Variants in PRKCH observed in about 807,000 individuals in gnomAD.
The protein encoded by PRKCH is protein kinase C eta type.
Under a neutral mutation model 82.5 loss-of-function variants are expected in PRKCH, and 28 were observed. The observed-to-expected ratio is 0.34, with a 90% CI of 0.25 to 0.47. The LOEUF (loss-of-function observed/expected upper bound fraction) is 0.47. PRKCH is among the 20% of genes least tolerant of loss of function. The pLI is 1.00. For missense variants in PRKCH, 705 were observed against 881.8 expected, an observed-to-expected ratio of 0.80 and a Z score of 2.54; for synonymous variants, 322 against 327.4, an observed-to-expected ratio of 0.98 and a Z score of 0.18.
At chr14:61,547,919 T>A in intron 13 of PRKCH, 33 bp downstream of exon 13, 1 of 1,604,706 alleles carries the variant, frequency 6.2e-7, no homozygotes, top group East Asian at 2.2e-5. Flanking sequence ...GAGACATTCC[T>A]TTCTTCAGAT....
At chr14:61,542,292 CA>C (rs368475596) in intron 12 of PRKCH, among the ~76,000 whole-genome samples, 2,258 of 145,020 alleles carry the variant, frequency 0.016, 54 homozygotes, top group African/African-American at 0.053. Context: ...GACTCCATAT[CA>C]AAAAAAAACA....
intron 1 of PRKCH, among the ~76,000 whole-genome samples, chr14:61,339,324 C>A (rs1216426735): frequency 7.0e-6 from 1 of 143,596 alleles, no homozygotes; most frequent in Non-Finnish European, 1.5e-5. Context: ...TTAATTGTAA[C>A]TTTTTTTTTT....
intron 1 of PRKCH, among the ~76,000 whole-genome samples, chr14:61,295,636 C>T (rs903016204): frequency 1.3e-5 from 2 of 152,206 alleles, no homozygotes; most frequent in South Asian, 4.1e-4. Flanking sequence ...GTAAGTGATA[C>T]GTTGGTCTCC....
chr14:61,391,262 T>C lies in PRKCH; in HGVS notation c.401T>C (p.Ile134Thr). Reference sequence around the variant, plus strand: ...CCAGAGGGGAAAGTATTTGTGGTAATAACCCTTACCGGGAGTTTCACTGAA... The same window carrying C: ...CCAGAGGGGAAAGTATTTGTGGTAACAACCCTTACCGGGAGTTTCACTGAA... ...LEPEGKVFVV[I>T]TLTGSFTEAT... The change falls in exon 2 of 14, where the codon ATA (isoleucine) becomes ACA (threonine). Residue 134 changes from isoleucine to threonine, a missense_variant. Coordinates refer to ENST00000332981, the MANE Select transcript of PRKCH (RefSeq NM_006255.5). The C allele has an allele frequency of 6.2e-7, 1 of 1,611,324 alleles. No homozygotes were observed. The highest frequency in any genetic ancestry group is 8.5e-7 in the Non-Finnish European group (1 of 1,178,834).
intron 1 of PRKCH, chr14:61,361,271 G>A (rs1423675219): frequency 2.0e-5 from 3 of 152,288 alleles, no homozygotes; most frequent in African/African-American, 4.8e-5. Context: ...TTCTGCATGC[G>A]GTGTCCCCTT....
chr14:61,399,308 C>T (rs1357175625), intron 2 of PRKCH, among the ~76,000 whole-genome samples: 4 of 152,096 alleles, frequency 2.6e-5, no homozygotes, highest in African/African-American at 7.2e-5. Context: ...GCTTCTTAAA[C>T]AAAAACCAGA....
At chr14:61,393,647 T>C (rs2046722507) in intron 2 of PRKCH, among the ~76,000 whole-genome samples, 1 of 152,260 alleles carries the variant, frequency 6.6e-6, no homozygotes, top group Non-Finnish European at 1.5e-5. Flanking sequence ...TTTAGGAAGA[T>C]GTGAGGGCTT....
At chr14:61,365,019 G>A (rs1376614668) in intron 1 of PRKCH, among the ~76,000 whole-genome samples, 1 of 151,986 alleles carries the variant, frequency 6.6e-6, no homozygotes, top group African/African-American at 2.4e-5. Flanking sequence ...TTGAGGGAGT[G>A]GCCATGGGAA....
At chr14:61,532,402 G>A (rs2043053003) in intron 12 of PRKCH, among the ~76,000 whole-genome samples, 1 of 152,158 alleles carries the variant, frequency 6.6e-6, no homozygotes, top group Non-Finnish European at 1.5e-5. Context: ...GTGTTTCTCT[G>A]ATAGATACCC....
intron 9 of PRKCH, among the ~76,000 whole-genome samples, chr14:61,475,824 A>G (rs991818849): frequency 1.3e-5 from 2 of 152,234 alleles, no homozygotes; most frequent in Admixed American, 1.3e-4. Context: ...TCTAGTTAAC[A>G]TTACCTTGAA....
chr14:61,340,006 A>C (rs1193580651), intron 1 of PRKCH, among the ~76,000 whole-genome samples: 4 of 151,970 alleles, frequency 2.6e-5, no homozygotes, highest in African/African-American at 4.8e-5. Context: ...TTAAAAACAT[A>C]CCCAAATCTT....
intron 2 of PRKCH, among the ~76,000 whole-genome samples, chr14:61,429,769 A>C (rs1234637910): frequency 1.3e-5 from 2 of 152,034 alleles, no homozygotes; most frequent in African/African-American, 4.8e-5. Flanking sequence ...GAATTATCTT[A>C]TTAAAATTTT....
chr14:61,489,002 A>G (rs1886344707), intron 10 of PRKCH, among the ~76,000 whole-genome samples: 1 of 152,146 alleles, frequency 6.6e-6, no homozygotes, highest in Admixed American at 6.5e-5. Flanking sequence ...TATCCCTTGG[A>G]TTTATTTCAC....
chr14:61,475,558 T>A (rs947881883), intron 9 of PRKCH, among the ~76,000 whole-genome samples: 52 of 152,206 alleles, frequency 3.4e-4, no homozygotes, highest in African/African-American at 1.2e-3. Context: ...TATCATGGCA[T>A]AGAGACTATA....
At chr14:61,195,561 A>G (rs2044434680) in intron 1 of PRKCH, among the ~76,000 whole-genome samples, 1 of 152,252 alleles carries the variant, frequency 6.6e-6, no homozygotes, top group Admixed American at 6.5e-5. Flanking sequence ...GTTACATTAA[A>G]TGTGATAAGA....
chr14:61,550,079 C>T lies in PRKCH; in HGVS notation c.*248C>T, dbSNP rs1031190170. On this transcript the variant is annotated 3_prime_UTR_variant, in exon 14 of 14. Transcript: ENST00000332981. ...TGAAGTATACCGCTCCACCTATGAGCGTCTGTCTCTGTGGGCTTGGGATGT... is the reference window on the plus strand; with the variant it reads ...TGAAGTATACCGCTCCACCTATGAGTGTCTGTCTCTGTGGGCTTGGGATGT... 2 of 375,644 alleles carry T rather than the reference C, an allele frequency of 5.3e-6. No individual in the cohort carries two copies. Among genetic ancestry groups the T allele is most frequent in the African/African-American group, 2.0e-5 (1 of 49,446 alleles). 23.3% of individuals were successfully genotyped at this position (375,644 alleles called of 1,614,324 possible).
At chr14:61,512,450 C>T (rs1291361615) in intron 10 of PRKCH, among the ~76,000 whole-genome samples, 2 of 152,054 alleles carry the variant, frequency 1.3e-5, no homozygotes, top group Non-Finnish European at 2.9e-5. Flanking sequence ...AAATTTTTGA[C>T]TTACTGACTT....
intron 1 of PRKCH, among the ~76,000 whole-genome samples, chr14:61,189,369 A>C (rs2044392161): frequency 7.1e-6 from 1 of 141,590 alleles, no homozygotes; most frequent in African/African-American, 2.8e-5. Flanking sequence ...GGCAAAGGCA[A>C]AGGGGGGATG....
At chr14:61,438,335 A>G (rs565303792) in intron 2 of PRKCH, among the ~76,000 whole-genome samples, 72 of 152,290 alleles carry the variant, frequency 4.7e-4, no homozygotes, top group African/African-American at 1.7e-3. Context: ...CTTGAGTTCA[A>G]TCGTATGTTA....
Sources: allele counts gnomAD v4.1 joint callset (sites outside exome capture counted in the v4.1 genomes callset), GRCh38; gene constraint gnomAD v4.1.1; transcripts MANE v1.5; gene names NCBI Gene and HGNC (gene_info 2026-07-23, HGNC 2026-07-21).